Variants in ADGRL3 observed in about 807,000 individuals in gnomAD.
The protein encoded by ADGRL3 is calcium-independent alpha-latrotoxin receptor 3.
A neutral mutation model predicts 153.5 loss-of-function variants in ADGRL3; 62 were observed. The observed-to-expected ratio is 0.40, with a 90% CI of 0.33 to 0.50. The LOEUF is 0.50. Ranked by LOEUF, ADGRL3 falls within the 20% of genes least tolerant of loss-of-function variation. The pLI, the probability that ADGRL3 is intolerant of heterozygous loss-of-function variation, is 0.47. For missense variants in ADGRL3, 1,641 were observed against 1,859.4 expected, an observed-to-expected ratio of 0.88 and a Z score of 2.16; for synonymous variants, 710 against 672.5, an observed-to-expected ratio of 1.06 and a Z score of -0.86.
chr4:61,461,533 AT>A (rs2097818903), intron 2 of ADGRL3, among the ~76,000 whole-genome samples: 1 of 152,186 alleles, frequency 6.6e-6, no homozygotes, highest in Non-Finnish European at 1.5e-5. Context: ...ATATAGAAAT[AT>A]TCATATAAAC....
At position 62,004,999 on chromosome 4, in the gene ADGRL3, C is replaced by T. The variant is rs181636428; in HGVS notation, c.3395+6734C>T. On this transcript the variant is annotated intron_variant, in intron 21 of 26. Transcript: ENST00000683033. ...TATTTAAAGAGTAATACAATCCAAACAACATTGTGTGGAGCTTTGTGTATT... is the reference window on the plus strand; with the variant it reads ...TATTTAAAGAGTAATACAATCCAAATAACATTGTGTGGAGCTTTGTGTATT... Among the ~76,000 whole-genome samples, 15 of 152,134 alleles carry T rather than the reference C, an allele frequency of 9.9e-5. No homozygotes were observed. The East Asian group carries it at 1.2e-3, about 12-fold the overall frequency.
intron 9 of ADGRL3, among the ~76,000 whole-genome samples, chr4:61,876,922 A>G (rs1459687872): frequency 1.3e-5 from 2 of 151,246 alleles, no homozygotes; most frequent in East Asian, 3.9e-4. Context: ...AAAAAAAAAA[A>G]AAAAAGAAAG....
chr4:61,701,430 A>ATTTT (rs71664995), intron 6 of ADGRL3, among the ~76,000 whole-genome samples: 2,233 of 105,340 alleles, frequency 0.021, 135 homozygotes, highest in South Asian at 0.054. Flanking sequence ...TAAAGGTACA[A>ATTTT]TTTTTTTTTT....
chr4:61,469,851 G>T (rs750478303), intron 2 of ADGRL3, among the ~76,000 whole-genome samples: 33 of 151,734 alleles, frequency 2.2e-4, no homozygotes, highest in Non-Finnish European at 3.1e-4. Context: ...AACTCTATAC[G>T]CATATGAAGT....
intron 4 of ADGRL3, among the ~76,000 whole-genome samples, chr4:61,580,306 G>A (rs1008895237): frequency 6.6e-6 from 1 of 151,702 alleles, no homozygotes. Flanking sequence ...AGATGCAGGG[G>A]CAAAAAATCG....
intron 8 of ADGRL3, among the ~76,000 whole-genome samples, chr4:61,756,665 G>C (rs1021506279): frequency 6.6e-6 from 1 of 152,144 alleles, no homozygotes; most frequent in African/African-American, 2.4e-5. Context: ...TGTTGAATAG[G>C]AGTGGTGAAA....
intron 9 of ADGRL3, among the ~76,000 whole-genome samples, chr4:61,890,505 G>A (rs1284594135): frequency 6.7e-6 from 1 of 149,922 alleles, no homozygotes; most frequent in African/African-American, 2.4e-5. Context: ...AGGCAGAAGG[G>A]CAAGAGAGCA....
At chr4:61,607,928 A>G (rs201521219) in intron 5 of ADGRL3, among the ~76,000 whole-genome samples, 3 of 152,214 alleles carry the variant, frequency 2.0e-5, no homozygotes, top group Non-Finnish European at 4.4e-5. Context: ...TCTAAGAGCC[A>G]GAACAGCCAG....
At chr4:61,232,871 G>A (rs189383961) in intron 1 of ADGRL3, among the ~76,000 whole-genome samples, 3 of 152,236 alleles carry the variant, frequency 2.0e-5, no homozygotes, top group Non-Finnish European at 4.4e-5. Context: ...GCCAAAGTGG[G>A]AGGCAATGCT....
intron 21 of ADGRL3, among the ~76,000 whole-genome samples, chr4:62,022,319 A>G (rs990618393): frequency 6.6e-6 from 1 of 152,178 alleles, no homozygotes. Context: ...GTTTGAAGGT[A>G]GCAGAGGCTG....
At chr4:61,757,096 C>A (rs1474415986) in intron 8 of ADGRL3, among the ~76,000 whole-genome samples, 1 of 152,120 alleles carries the variant, frequency 6.6e-6, no homozygotes, top group Non-Finnish European at 1.5e-5. Flanking sequence ...TTGGTTGTGT[C>A]TCTGCCCGGC....
At chr4:61,568,440 C>T (rs1367699706) in intron 4 of ADGRL3, among the ~76,000 whole-genome samples, 2 of 152,042 alleles carry the variant, frequency 1.3e-5, no homozygotes, top group East Asian at 1.9e-4. Flanking sequence ...AATTCATGGT[C>T]TAACTACCCC....
At chr4:61,643,124 T>C (rs1367704586) in intron 5 of ADGRL3, among the ~76,000 whole-genome samples, 4 of 152,198 alleles carry the variant, frequency 2.6e-5, no homozygotes, top group Non-Finnish European at 5.9e-5. Flanking sequence ...CTTGTGATTT[T>C]TGTTCATTGA....
rs1453640873 is a variant in ADGRL3, at chr4:61,204,772, G to A, written c.-240+3007G>A. 2.0e-5 allele frequency among the ~76,000 whole-genome samples: 3 copies of A among 152,170 alleles called. No homozygotes were observed. The East Asian group carries it at 5.8e-4, about 29-fold the overall frequency. ...TTTTTTTTTTAGATAGAGATGTTAG[G>A]CTGCATCAGGCATCCCCGGCCTGAA... On this transcript the variant is annotated intron_variant, in intron 1 of 26. Coordinates refer to ENST00000683033, the MANE Select transcript of ADGRL3 (RefSeq NM_001387552.1).
intron 5 of ADGRL3, among the ~76,000 whole-genome samples, chr4:61,646,261 G>C (rs778422662): frequency 6.6e-6 from 1 of 152,086 alleles, no homozygotes; most frequent in Admixed American, 6.5e-5. Flanking sequence ...TAATTTGATC[G>C]TCTGAAGCCT....
At chr4:61,859,519 A>T (rs1170495789) in intron 9 of ADGRL3, among the ~76,000 whole-genome samples, 1 of 152,198 alleles carries the variant, frequency 6.6e-6, no homozygotes, top group Non-Finnish European at 1.5e-5. Context: ...GCTCCTAATC[A>T]TTAGGTAGGT....
At chr4:61,569,990 G>A (rs775486890) in intron 4 of ADGRL3, among the ~76,000 whole-genome samples, 5 of 152,050 alleles carry the variant, frequency 3.3e-5, no homozygotes, top group Non-Finnish European at 5.9e-5. Context: ...ATTATTTGAT[G>A]AATATTTGGA....
chr4:61,425,376 A>G (rs1302723225), intron 2 of ADGRL3: 1 of 152,230 alleles, frequency 6.6e-6, no homozygotes, highest in Admixed American at 6.5e-5. Flanking sequence ...TTCTCCATAG[A>G]AGCTAAGTGT....
At chr4:61,920,274 A>G (rs902332667) in intron 13 of ADGRL3, among the ~76,000 whole-genome samples, 4 of 152,186 alleles carry the variant, frequency 2.6e-5, no homozygotes, top group Admixed American at 6.5e-5. Flanking sequence ...AGGTAATTAT[A>G]TTAAGGTAAT....
Sources: gnomAD v4.1 joint callset for allele counts (sites outside exome capture counted in the v4.1 genomes callset) on GRCh38, gnomAD v4.1.1 for gene constraint, MANE v1.5 for transcripts, NCBI Gene and HGNC (gene_info 2026-07-23, HGNC 2026-07-21) for gene names.